Variants in IGF2BP3 observed in about 807,000 individuals in gnomAD.
IGF2BP3 encodes insulin like growth factor 2 mRNA binding protein 3.
Under a neutral mutation model 73.8 loss-of-function variants are expected in IGF2BP3, and 9 were observed. That is an observed-to-expected ratio of 0.12 (90% CI 0.07 to 0.21). The LOEUF is 0.21. IGF2BP3 is among the 10% of genes least tolerant of loss of function. IGF2BP3 has a pLI of 1.00. For missense variants in IGF2BP3, 542 were observed against 714.0 expected, an observed-to-expected ratio of 0.76 and a Z score of 2.75; for synonymous variants, 258 against 256.7, an observed-to-expected ratio of 1.01 and a Z score of -0.05.
chr7:23,412,841 C>G (rs1787067417), intron 3 of IGF2BP3, among the ~76,000 whole-genome samples: 1 of 87,930 alleles, frequency 1.1e-5, no homozygotes, highest in Non-Finnish European at 2.1e-5. Context: ...AAGACTCTGG[C>G]CTTTTTTTTT....
chr7:23,363,819 G>A (rs1304409943), intron 3 of IGF2BP3, among the ~76,000 whole-genome samples: 1 of 152,222 alleles, frequency 6.6e-6, no homozygotes, highest in Non-Finnish European at 1.5e-5. Context: ...AAAAGTGCTT[G>A]TCTGTTTTAT....
chr7:23,371,051 A>G (rs1785527653), intron 3 of IGF2BP3, among the ~76,000 whole-genome samples: 1 of 152,188 alleles, frequency 6.6e-6, no homozygotes, highest in South Asian at 2.1e-4. Context: ...TACAAAAGAT[A>G]TAGAAGTGGA....
Position 23,379,703 on chromosome 7 carries a change from T to C in IGF2BP3, c.286-17962A>G, listed in dbSNP as rs566595014. 1.3e-4 allele frequency among the ~76,000 whole-genome samples: 20 copies of C among 152,138 alleles called. No individual in the cohort carries two copies. The South Asian group carries it at 2.3e-3, about 17-fold the overall frequency. On this transcript the variant is annotated intron_variant, in intron 3 of 14. Coordinates refer to ENST00000258729, the MANE Select transcript of IGF2BP3 (RefSeq NM_006547.3). ...AGTTTAAAGATACTACAAAACAAAATCTCAATTTTCTAGTCTTCAAACTGC... is the reference window on the plus strand; with the variant it reads ...AGTTTAAAGATACTACAAAACAAAACCTCAATTTTCTAGTCTTCAAACTGC...
At chr7:23,409,955 G>A (rs145116083) in intron 3 of IGF2BP3, among the ~76,000 whole-genome samples, 1 of 152,134 alleles carries the variant, frequency 6.6e-6, no homozygotes, top group African/African-American at 2.4e-5. Flanking sequence ...GATCACCTGA[G>A]GTCAGGAGTT....
intron 2 of IGF2BP3, among the ~76,000 whole-genome samples, chr7:23,423,827 T>C (rs1396750490): frequency 6.6e-6 from 1 of 152,078 alleles, no homozygotes; most frequent in African/African-American, 2.4e-5. Context: ...TGCATTAATT[T>C]TAAAAATTCA....
chr7:23,368,647 C>A (rs1050528925), intron 3 of IGF2BP3, among the ~76,000 whole-genome samples: 2 of 152,112 alleles, frequency 1.3e-5, no homozygotes, highest in African/African-American at 4.8e-5. Flanking sequence ...CCTGTAATCC[C>A]AGCACTTTGG....
chr7:23,440,964 C>A (rs1787918457), intron 2 of IGF2BP3, among the ~76,000 whole-genome samples: 1 of 152,136 alleles, frequency 6.6e-6, no homozygotes, highest in Non-Finnish European at 1.5e-5. Context: ...TTATTTACCC[C>A]TATGTTTACA....
chr7:23,372,254 T>C (rs997598652), intron 3 of IGF2BP3, among the ~76,000 whole-genome samples: 1 of 152,106 alleles, frequency 6.6e-6, no homozygotes, highest in African/African-American at 2.4e-5. Flanking sequence ...TTTGTATTTT[T>C]AGTAGAGATG....
intron 12 of IGF2BP3, among the ~76,000 whole-genome samples, chr7:23,316,997 A>C (rs1784009253): frequency 6.6e-6 from 1 of 152,218 alleles, no homozygotes; most frequent in East Asian, 1.9e-4. Context: ...AAGGTTAAGT[A>C]ACTTGCCCAA....
intron 9 of IGF2BP3, 143 bp from the exon 10 acceptor site, chr7:23,342,332 T>C: frequency 1.2e-6 from 1 of 864,624 alleles, no homozygotes; most frequent in Non-Finnish European, 1.8e-6. Context: ...CATGGGACTC[T>C]ACTTGAGTAC....
intron 10 of IGF2BP3, among the ~76,000 whole-genome samples, chr7:23,332,361 T>C (rs1440599797): frequency 6.6e-6 from 1 of 152,158 alleles, no homozygotes. Context: ...TTGTACCATA[T>C]TGTTTACAAC....
chr7:23,442,992 CTGT>C (rs1387737647), intron 2 of IGF2BP3, among the ~76,000 whole-genome samples: 1 of 151,094 alleles, frequency 6.6e-6, no homozygotes, highest in Non-Finnish European at 1.5e-5. Context: ...TTAAATTATA[CTGT>C]TATTAAACTT....
chr7:23,439,396 CAAA>C (rs983892422), intron 2 of IGF2BP3, among the ~76,000 whole-genome samples: 1 of 138,254 alleles, frequency 7.2e-6, no homozygotes. Flanking sequence ...ACTAAAAATA[CAAA>C]AAAAAAAAAA....
intron 3 of IGF2BP3, among the ~76,000 whole-genome samples, chr7:23,411,982 CTCT>C (rs1303256436): frequency 2.2e-5 from 3 of 137,512 alleles, no homozygotes; most frequent in African/African-American, 8.8e-5. Context: ...CCACTTATTT[CTCT>C]TTTTTTTTTT....
At chr7:23,333,336 T>C (rs947400104) in intron 10 of IGF2BP3, among the ~76,000 whole-genome samples, 4 of 152,196 alleles carry the variant, frequency 2.6e-5, no homozygotes, top group Non-Finnish European at 5.9e-5. Flanking sequence ...AATTCCTAAA[T>C]ATCCCCAGAG....
chr7:23,406,615 T>G (rs975221626), intron 3 of IGF2BP3, among the ~76,000 whole-genome samples: 1 of 152,026 alleles, frequency 6.6e-6, no homozygotes, highest in African/African-American at 2.4e-5. Context: ...AGCAGCAAGA[T>G]TTACTGTGAA....
chr7:23,401,019 T>C (rs1388884075), intron 3 of IGF2BP3, among the ~76,000 whole-genome samples: 2 of 152,174 alleles, frequency 1.3e-5, no homozygotes, highest in Non-Finnish European at 2.9e-5. Context: ...CAGGTTGGTC[T>C]CAAACTCCTG....
At chr7:23,358,443 C>A (rs761116189) in intron 5 of IGF2BP3, among the ~76,000 whole-genome samples, 1 of 152,140 alleles carries the variant, frequency 6.6e-6, no homozygotes, top group Non-Finnish European at 1.5e-5. Context: ...ATGTTTGGAA[C>A]CCATGGAGCA....
At chr7:23,363,844 T>A (rs189433045) in intron 3 of IGF2BP3, among the ~76,000 whole-genome samples, 7 of 152,274 alleles carry the variant, frequency 4.6e-5, no homozygotes, top group Non-Finnish European at 8.8e-5. Context: ...GAATTTGCCA[T>A]GTGATGTTGA....
Sources: allele counts gnomAD v4.1 joint callset (sites outside exome capture counted in the v4.1 genomes callset), GRCh38; gene constraint gnomAD v4.1.1; transcripts MANE v1.5; gene names NCBI Gene and HGNC (gene_info 2026-07-23, HGNC 2026-07-21).